Variants in KIF21A observed in about 807,000 individuals in gnomAD.
The protein encoded by KIF21A is kinesin family member 21A.
Under a neutral mutation model 202.9 loss-of-function variants are expected in KIF21A, and 114 were observed. The ratio of observed to expected loss-of-function variants is 0.56; its 90% CI spans 0.48 to 0.66. The LOEUF is 0.66. Among genes scored for constraint, KIF21A ranks in the 30% least tolerant of loss-of-function variants. The pLI is 0.00. For synonymous variants in KIF21A, 667 were observed against 670.8 expected, an observed-to-expected ratio of 0.99 and a Z score of 0.09; for missense variants, 1,677 against 1,994.9, an observed-to-expected ratio of 0.84 and a Z score of 3.04.
At chr12:39,322,952 A>T in intron 26 of KIF21A, 70 bp from the exon 27 acceptor site, 1 of 1,195,550 alleles carries the variant, frequency 8.4e-7, no homozygotes, top group Non-Finnish European at 1.2e-6. Context: ...GAGAACAGAG[A>T]TTTATATGAG....
chr12:39,416,685 G>GTGTATATA, intron 1 of KIF21A, among the ~76,000 whole-genome samples: 2 of 120,696 alleles, frequency 1.7e-5, no homozygotes, highest in South Asian at 5.1e-4. Context: ...ATATATATGT[G>GTGTATATA]TGTATATATA....
At chr12:39,310,506 A>G (rs1363888475) in intron 32 of KIF21A, among the ~76,000 whole-genome samples, 1 of 152,062 alleles carries the variant, frequency 6.6e-6, no homozygotes, top group Non-Finnish European at 1.5e-5. Context: ...GAATTCCTGT[A>G]CATGCTTGCT....
chr12:39,435,495 C>G (rs760183759), intron 1 of KIF21A, among the ~76,000 whole-genome samples: 4 of 152,038 alleles, frequency 2.6e-5, no homozygotes, highest in African/African-American at 4.8e-5. Flanking sequence ...TTTGGGGTGA[C>G]AGGCCTCCAT....
rs1236355938 is a variant in KIF21A at position 39,442,148 on chromosome 12, C to G, written c.44+779G>C. ...TGTACCTAGTATTTCCAGACTCACA[C>G]CCTGGCCTGGGTAACGTTACGATTA... is the stretch of plus-strand genomic sequence containing the variant. On this transcript the variant is annotated intron_variant, in intron 1 of 37. Transcript: ENST00000361418. The surrounding 1 kb of genome is among the most constrained non-coding windows in gnomAD (Gnocchi z 5.0). Among the ~76,000 whole-genome samples the G allele has an allele frequency of 6.6e-6, 1 of 152,182 alleles. No individual in the cohort carries two copies. The highest frequency in any genetic ancestry group is 1.5e-5 in the Non-Finnish European group (1 of 68,028).
chr12:39,421,829 A>G (rs1202144820), intron 1 of KIF21A, among the ~76,000 whole-genome samples: 1 of 147,450 alleles, frequency 6.8e-6, no homozygotes, highest in Admixed American at 6.8e-5. Context: ...ATAATTTTAT[A>G]TATTATATAA....
intron 12 of KIF21A, among the ~76,000 whole-genome samples, chr12:39,343,086 C>T (rs1592245432): frequency 3.9e-5 from 6 of 152,096 alleles, no homozygotes; most frequent in Admixed American, 3.3e-4. Context: ...TCCTTTTGTG[C>T]TATAGTAGCA....
At chr12:39,390,197 A>G (rs1343762049) in intron 1 of KIF21A, among the ~76,000 whole-genome samples, 1 of 152,226 alleles carries the variant, frequency 6.6e-6, no homozygotes, top group Admixed American at 6.5e-5. Context: ...TGGCAACAAC[A>G]ACAACAAAAA....
chr12:39,333,107 C>T lies in KIF21A; in HGVS notation c.2488G>A (p.Val830Ile). ...EVVLRRKTEE[V>I]TALRRQVRPM... ...CTTACTTGCCGACGAAGAGCCGTAA[C>T]CTGAAATTGCAGCAAAGGTTGACTC... Residue 830 changes from valine (V) to isoleucine (I), a missense_variant and splice_region_variant, in exon 19 of 38, where the codon GTT becomes ATT. This residue lies in a region of KIF21A where 966 missense variants were observed against 1,180.9 expected (regional missense o/e 0.82). Transcript: ENST00000361418. 1 of 1,613,852 alleles carries T rather than the reference C, an allele frequency of 6.2e-7. No homozygotes were observed. The highest frequency in any genetic ancestry group is 8.5e-7 in the Non-Finnish European group (1 of 1,179,824).
In KIF21A at chr12:39,330,192, A is replaced by G. The variant is rs370670238; in HGVS notation, c.3340+50T>C. ...GTACCACAATTAGTGTACATGAACA[A>G]TTAGTAATTCATGCAGCTGTAGGAT... On this transcript the variant is annotated intron_variant, in intron 24 of 37. Transcript: ENST00000361418. 4 of 1,531,190 alleles carry G rather than the reference A, an allele frequency of 2.6e-6. No individual in the cohort carries two copies. In the African/African-American group the frequency reaches 4.1e-5, roughly 16 times the overall value. 94.9% of individuals were successfully genotyped at this position (1,531,190 alleles called of 1,614,324 possible). A position where few individuals can be genotyped will look rare whatever the true frequency, so the allele number is the denominator to read the frequency against.
intron 27 of KIF21A, among the ~76,000 whole-genome samples, chr12:39,320,611 T>C (rs541133650): frequency 2.6e-5 from 4 of 151,404 alleles, no homozygotes; most frequent in Admixed American, 6.6e-5. Context: ...AATTTTTGTA[T>C]ATGGTGGTAA....
chr12:39,377,509 GAA>G (rs762933722), intron 1 of KIF21A, among the ~76,000 whole-genome samples: 11 of 152,066 alleles, frequency 7.2e-5, no homozygotes, highest in Non-Finnish European at 1.3e-4. Context: ...TTCTGTTCTA[GAA>G]AAGAGTTTCT....
chr12:39,357,009 G>T, intron 9 of KIF21A, 114 bp from the exon 10 acceptor site: 1 of 680,854 alleles, frequency 1.5e-6, no homozygotes, highest in Non-Finnish European at 2.5e-6. Flanking sequence ...AATTCTTACA[G>T]CAAATTTTCT....
rs572978522 is a variant in KIF21A, at chr12:39,315,127, G to A, written c.3959+102C>T. Reference sequence around the variant, plus strand: ...CAAATTTGTACAACAGACTTGATCTGAAGGAGAGAAAAAAATAAACACTTA... The same window carrying A: ...CAAATTTGTACAACAGACTTGATCTAAAGGAGAGAAAAAAATAAACACTTA... On this transcript the variant is annotated intron_variant, in intron 31 of 37. Coordinates refer to ENST00000361418, the MANE Select transcript of KIF21A (RefSeq NM_001173464.2). The A allele has an allele frequency of 1.4e-5, 15 of 1,099,310 alleles. No homozygotes were observed. In the African/African-American group the frequency reaches 2.3e-4, roughly 17 times the overall value. The allele number at this position is 1,099,310 out of a possible 1,614,324, so 68.1% of individuals were successfully genotyped here.
chr12:39,413,910 TAA>T lies in KIF21A; in HGVS notation c.44+29015_44+29016del, dbSNP rs549118992. ...GTTATCTCATAAAGTTGTTTTCCCA[TAA>T]AAAAAAAATGTAATATTTGAGGCCT... On this transcript the variant is annotated intron_variant, in intron 1 of 37. Transcript: ENST00000361418. Among the ~76,000 whole-genome samples the T allele has an allele frequency of 2.1e-3, 315 of 148,952 alleles. 3 individuals carry two copies. The highest frequency in any genetic ancestry group is 7.3e-3 in the African/African-American group (296 of 40,800).
chr12:39,365,467 A>C (rs1389005789), intron 6 of KIF21A, among the ~76,000 whole-genome samples: 2 of 152,270 alleles, frequency 1.3e-5, no homozygotes, highest in African/African-American at 2.4e-5. Context: ...TTAAAACACA[A>C]AACTTTGCTC....
At chr12:39,319,363 A>G (rs1944950735) in intron 28 of KIF21A, among the ~76,000 whole-genome samples, 2 of 152,188 alleles carry the variant, frequency 1.3e-5, no homozygotes, top group South Asian at 4.1e-4. Flanking sequence ...AGATTATACT[A>G]TGTACTGCTA....
chr12:39,425,228 T>A (rs1382017855), intron 1 of KIF21A, among the ~76,000 whole-genome samples: 2 of 152,114 alleles, frequency 1.3e-5, no homozygotes, highest in Non-Finnish European at 2.9e-5. Flanking sequence ...TATATCAATA[T>A]CTGGATTTAA....
chr12:39,427,025 T>C (rs920339288), intron 1 of KIF21A, among the ~76,000 whole-genome samples: 1 of 152,218 alleles, frequency 6.6e-6, no homozygotes, highest in African/African-American at 2.4e-5. Context: ...GCATGTTTCA[T>C]GGGAGAGCCA....
intron 37 of KIF21A, among the ~76,000 whole-genome samples, chr12:39,295,534 G>A (rs1942225673): frequency 6.6e-6 from 1 of 152,016 alleles, no homozygotes; most frequent in South Asian, 2.1e-4. Flanking sequence ...ATTGTAATCA[G>A]TTATCTTCTC....
Sources: gnomAD v4.1 joint callset for allele counts (sites outside exome capture counted in the v4.1 genomes callset) on GRCh38, gnomAD v4.1.1 for gene constraint, gnomAD v4.1.1 regional missense constraint, Gnocchi (gnomAD v3.1) non-coding constraint, MANE v1.5 for transcripts, NCBI Gene and HGNC (gene_info 2026-07-23, HGNC 2026-07-21) for gene names.